Variants in MEAF6 observed in about 807,000 individuals in gnomAD.
MEAF6 encodes chromatin modification-related protein MEAF6.
In MEAF6, 15 loss-of-function variants were observed where a neutral mutation model predicts 28.9. The observed-to-expected ratio is 0.52, with a 90% CI of 0.35 to 0.80. MEAF6 has a LOEUF of 0.80. Among genes scored for constraint, MEAF6 ranks in the 30% least tolerant of loss-of-function variants. The pLI, the probability that MEAF6 is intolerant of heterozygous loss-of-function variation, is 0.01. For synonymous variants in MEAF6, 97 were observed against 88.7 expected (o/e 1.09, Z -0.53); for missense variants, 178 against 237.5 (o/e 0.75, Z 1.65).
intron 5 of MEAF6, among the ~76,000 whole-genome samples, chr1:37,500,522 T>C (rs1569963801): frequency 6.6e-6 from 1 of 152,224 alleles, no homozygotes; most frequent in Admixed American, 6.5e-5. Context: ...ACTACAGTTA[T>C]GCGATTAGGA....
chr1:37,507,182 T>C (rs531242894), intron 4 of MEAF6, among the ~76,000 whole-genome samples: 1 of 152,256 alleles, frequency 6.6e-6, no homozygotes, highest in East Asian at 1.9e-4. Context: ...TAGCTGGGCA[T>C]GGTGATGCAC....
At position 37,509,445 on chromosome 1, in the gene MEAF6, CACT is replaced by C. The variant is rs770992074; in HGVS notation, c.294+7_294+9del. The C allele has an allele frequency of 6.8e-6, 11 of 1,613,208 alleles. No individual in the cohort carries two copies. The Admixed American group carries it at 8.4e-5, about 12-fold the overall frequency. On this transcript the variant is annotated splice_region_variant and intron_variant, in intron 3 of 6. Transcript: ENST00000296214. ...GGCCAAAGAAAGATTCCCCCACCAC[CACT>C]ACTTACAGCTGCTGAGGTAACCGAG...
chr1:37,506,295 C>T (rs1450521344), intron 4 of MEAF6, among the ~76,000 whole-genome samples: 4 of 151,808 alleles, frequency 2.6e-5, no homozygotes, highest in Non-Finnish European at 5.9e-5. Flanking sequence ...TTAGATGCCA[C>T]TAGGTTAGGC....
intron 5 of MEAF6, among the ~76,000 whole-genome samples, chr1:37,498,730 C>G (rs1205191821): frequency 6.6e-6 from 1 of 151,976 alleles, no homozygotes; most frequent in Non-Finnish European, 1.5e-5. Context: ...AGCACCTGGC[C>G]ACTATATGGT....
intron 2 of MEAF6, 59 bp downstream of exon 2, chr1:37,513,364 G>C: frequency 7.5e-7 from 1 of 1,335,616 alleles, no homozygotes; most frequent in Non-Finnish European, 1.1e-6. Flanking sequence ...AGAGCATACA[G>C]TCCTAAAAAC....
At chr1:37,494,160 G>A in intron 6 of MEAF6, 53 bp from the exon 7 acceptor site, 6 of 1,490,292 alleles carry the variant, frequency 4.0e-6, no homozygotes, top group Admixed American at 1.9e-5. Context: ...ACAGTTGTTT[G>A]ACCCTAAAGG....
rs1642013454 is a variant in MEAF6 at position 37,493,645 on chromosome 1, G to A, written c.*454C>T. 1 of 851,180 alleles carries A rather than the reference G, an allele frequency of 1.2e-6. No individual in the cohort carries two copies. The highest frequency in any genetic ancestry group is 2.8e-5 in the Admixed American group (1 of 35,694). The allele number at this position is 851,180 out of a possible 1,614,324, so 52.7% of individuals were successfully genotyped here. On this transcript the variant is annotated 3_prime_UTR_variant, in exon 7 of 7. Transcript: ENST00000296214. ...AAAGAAAATAAGATAAAAACAACAA[G>A]AGAAAAACAAGAAAACATAAAACAA...
chr1:37,498,939 T>A (rs922369425), intron 5 of MEAF6, among the ~76,000 whole-genome samples: 12 of 151,926 alleles, frequency 7.9e-5, no homozygotes, highest in African/African-American at 2.9e-4. Flanking sequence ...GGATCAAGCC[T>A]AGGAGTTCAA....
chr1:37,507,824 TAAAA>T (rs770678028), intron 4 of MEAF6, among the ~76,000 whole-genome samples: 1 of 132,194 alleles, frequency 7.6e-6, no homozygotes, highest in Non-Finnish European at 1.6e-5. Context: ...GACTCCGTCT[TAAAA>T]AAAAAAAAAA....
At position 37,490,949 on chromosome 1, in the gene MEAF6, C is replaced by T. The variant is rs1334108549; in HGVS notation, c.*3150G>A. Among the ~76,000 whole-genome samples, 1 of 152,064 alleles carries T rather than the reference C, an allele frequency of 6.6e-6. No individual in the cohort carries two copies. The highest frequency in any genetic ancestry group is 1.5e-5 in the Non-Finnish European group (1 of 68,018). ...GGCTGAGGCGGAATAATTGCTTGAA[C>T]CCTGGAGGCGGAGGTAGCAGTGAGC... On this transcript the variant is annotated 3_prime_UTR_variant, in exon 7 of 7. Coordinates refer to ENST00000296214, the MANE Select transcript of MEAF6 (RefSeq NM_001270875.3).
Position 37,509,303 on chromosome 1 carries a change from T to A in MEAF6, c.315A>T (p.Gly105=). ...TCTTTTCAATGAGCTGGTCCTGAACTCCTGCCAATGCACTTACTGCCTAAA... is the reference window on the plus strand; with the variant it reads ...TCTTTTCAATGAGCTGGTCCTGAACACCTGCCAATGCACTTACTGCCTAAA... ...TSAAAVSALA[G]VQDQLIEKRE... Residue 105 remains glycine (G), a synonymous_variant, in exon 4 of 7, where the codon GGA becomes GGT. Transcript: ENST00000296214. The A allele has an allele frequency of 6.2e-7, 1 of 1,614,064 alleles. No individual in the cohort carries two copies. The highest frequency in any genetic ancestry group is 8.5e-7 in the Non-Finnish European group (1 of 1,179,982).
In MEAF6 at chr1:37,504,309, CTCAGA is replaced by C. The variant is rs143220268; in HGVS notation, c.341-2318_341-2314del. Among the ~76,000 whole-genome samples the C allele has an allele frequency of 4.7e-3, 708 of 152,256 alleles. 4 individuals carry two copies. Among genetic ancestry groups the C allele is most frequent in the African/African-American group, 0.016 (662 of 41,526 alleles). ...ATCTTTCCTTTATAAATTACCCAGT[CTCAGA>C]TATTTCTTTATAGCAGTGTGAAAAC... On this transcript the variant is annotated intron_variant, in intron 4 of 6. Transcript: ENST00000296214.
At chr1:37,496,255 T>C (rs2148062512) in intron 5 of MEAF6, among the ~76,000 whole-genome samples, 1 of 152,334 alleles carries the variant, frequency 6.6e-6, no homozygotes, top group South Asian at 2.1e-4. Context: ...ATGTGTTAGT[T>C]CTGTAACTAT....
chr1:37,497,843 C>T (rs962852149), intron 5 of MEAF6, among the ~76,000 whole-genome samples: 3 of 152,054 alleles, frequency 2.0e-5, no homozygotes, highest in Non-Finnish European at 2.9e-5. Context: ...CCATCTGCCT[C>T]GGCCCCCTAA....
At chr1:37,513,720 G>C (rs1642740484) in intron 1 of MEAF6, 182 bp from the exon 2 acceptor site, 2 of 605,224 alleles carry the variant, frequency 3.3e-6, no homozygotes, top group Non-Finnish European at 5.9e-6. Flanking sequence ...CTAGACCTTT[G>C]GGGGTGATGG....
intron 5 of MEAF6, chr1:37,496,769 T>A: frequency 6.3e-7 from 1 of 1,579,980 alleles, no homozygotes; most frequent in African/African-American, 1.4e-5. Flanking sequence ...AAGAAAGCAA[T>A]AGAAATTAAT....
At chr1:37,496,693 C>T in intron 5 of MEAF6, 1 of 1,593,650 alleles carries the variant, frequency 6.3e-7, no homozygotes, top group Non-Finnish European at 8.6e-7. Flanking sequence ...AATACTAATT[C>T]AAATCAAACT....
At chr1:37,505,778 AC>A (rs1264070503) in intron 4 of MEAF6, among the ~76,000 whole-genome samples, 1 of 152,214 alleles carries the variant, frequency 6.6e-6, no homozygotes, top group Non-Finnish European at 1.5e-5. Context: ...CCCAGGATGA[AC>A]CCTTATATTT....
At chr1:37,514,498 C>T (rs1193592874) in intron 1 of MEAF6, 159 bp downstream of exon 1, 16 of 412,690 alleles carry the variant, frequency 3.9e-5, no homozygotes, top group Non-Finnish European at 4.9e-5. Context: ...GAACCGCCGG[C>T]GGGCCGCAGA....
Sources: gnomAD v4.1 joint callset for allele counts (sites outside exome capture counted in the v4.1 genomes callset) on GRCh38, gnomAD v4.1.1 for gene constraint, MANE v1.5 for transcripts, NCBI Gene and HGNC (gene_info 2026-07-23, HGNC 2026-07-21) for gene names.